The following ZNF674 variants were observed in gnomAD, a reference collection of about 807,000 sequenced individuals.
The protein encoded by ZNF674 is zinc finger protein 674.
ZNF674 carries 2 observed loss-of-function variants against 7.0 expected under a neutral mutation model. The ratio of observed to expected loss-of-function variants is 0.29; its 90% CI spans 0.12 to 0.90. The LOEUF (loss-of-function observed/expected upper bound fraction) is 0.90. ZNF674 is among the 40% of genes least tolerant of loss of function. The pLI, the probability that ZNF674 is intolerant of heterozygous loss-of-function variation, is 0.57. For synonymous variants in ZNF674, 103 were observed against 145.2 expected (o/e 0.71, Z 2.09); for missense variants, 297 against 415.5 (o/e 0.71, Z 2.48).
intron 4 of ZNF674, 105 bp from the exon 5 acceptor site, chrX:46,528,550 C>G: frequency 1.0e-6 from 1 of 989,164 alleles, no homozygotes; most frequent in South Asian, 2.0e-5. Flanking sequence ...GTGATGGCCC[C>G]ATGCACACAG....
chrX:46,528,755 T>G (rs746018785), intron 4 of ZNF674, 28 bp downstream of exon 4: 2 of 1,211,337 alleles, frequency 1.7e-6, no homozygotes, highest in Non-Finnish European at 2.2e-6. Context: ...GGAGGCATTC[T>G]GCATCACCCT....
At chrX:46,510,066 A>G (rs1941621630) in intron 5 of ZNF674, among the ~76,000 whole-genome samples, 1 of 101,029 alleles carries the variant, frequency 9.9e-6, no homozygotes, top group Admixed American at 1.1e-4. Flanking sequence ...GCATGTTCTC[A>G]CTCATAGGTG....
At chrX:46,543,900 A>G (rs1464418732) in intron 2 of ZNF674, among the ~76,000 whole-genome samples, 2 of 112,500 alleles carry the variant, frequency 1.8e-5, no homozygotes, top group Non-Finnish European at 3.8e-5. Context: ...AACTAAAAAT[A>G]TATTTTCTGC....
chrX:46,531,674 A>G (rs1235591085), intron 3 of ZNF674, among the ~76,000 whole-genome samples: 1 of 110,917 alleles, frequency 9.0e-6, no homozygotes. Context: ...TAAAACAGCC[A>G]TCATTCCACT....
chrX:46,510,178 T>C (rs1187023165), intron 5 of ZNF674, among the ~76,000 whole-genome samples: 1 of 103,565 alleles, frequency 9.7e-6, no homozygotes, highest in Non-Finnish European at 2.0e-5. Flanking sequence ...TTGGGAGATA[T>C]ACCTAATGCT....
At chrX:46,522,163 C>T (rs1306808603) in intron 5 of ZNF674, among the ~76,000 whole-genome samples, 6 of 104,274 alleles carry the variant, frequency 5.8e-5, no homozygotes, top group Admixed American at 4.2e-4. Flanking sequence ...AGAAGTGGCA[C>T]GGAGGGAGCA....
intron 5 of ZNF674, among the ~76,000 whole-genome samples, chrX:46,504,496 C>T (rs1037981437): frequency 9.1e-6 from 1 of 110,414 alleles, no homozygotes; most frequent in African/African-American, 3.3e-5. Context: ...GCACCTGCTA[C>T]CACGCCTGGC....
intron 5 of ZNF674, among the ~76,000 whole-genome samples, chrX:46,508,571 C>T (rs904813177): frequency 8.1e-5 from 9 of 110,831 alleles, no homozygotes; most frequent in Middle Eastern, 4.2e-3. Flanking sequence ...GCCATTTTCA[C>T]GATATTGATT....
At chrX:46,534,839 C>A (rs1402065942) in intron 3 of ZNF674, among the ~76,000 whole-genome samples, 5 of 108,502 alleles carry the variant, frequency 4.6e-5, no homozygotes, top group Non-Finnish European at 7.6e-5. Context: ...CTCCTGGGTT[C>A]GAGTGATTTT....
Position 46,515,664 on chromosome X carries a change from A to G in ZNF674, c.238+12686T>C, listed in dbSNP as rs1240246030. Among the ~76,000 whole-genome samples, 5 of 111,498 alleles carry G rather than the reference A, an allele frequency of 4.5e-5. No individual in the cohort carries two copies. In the Admixed American group the frequency reaches 4.8e-4, roughly 11 times the overall value. ...GGTCTTGCTCTATCACCCAGGCTAGAGTAGAACAATCATAGCTCACTGTAA... is the reference window on the plus strand; with the variant it reads ...GGTCTTGCTCTATCACCCAGGCTAGGGTAGAACAATCATAGCTCACTGTAA... On this transcript the variant is annotated intron_variant, in intron 5 of 5. Coordinates refer to ENST00000683375, the MANE Select transcript of ZNF674 (RefSeq NM_001190417.2).
chrX:46,516,382 G>C (rs188628859), intron 5 of ZNF674, among the ~76,000 whole-genome samples: 275 of 112,133 alleles, frequency 2.5e-3, no homozygotes, highest in Middle Eastern at 9.2e-3. Context: ...ACAGGTCCCA[G>C]TGACTTATGA....
At chrX:46,528,740 G>T in intron 4 of ZNF674, 43 bp downstream of exon 4, 2 of 1,209,684 alleles carry the variant, frequency 1.7e-6, no homozygotes, top group Non-Finnish European at 2.2e-6. Flanking sequence ...AAGAAACACA[G>T]TACTGGAGGC....
intron 5 of ZNF674, among the ~76,000 whole-genome samples, chrX:46,513,824 G>A (rs764136178): frequency 9.0e-6 from 1 of 111,636 alleles, no homozygotes; most frequent in South Asian, 3.8e-4. Context: ...CCAGCACTTT[G>A]GGAAGTGGAG....
chrX:46,536,493 G>A (rs1183388993), intron 3 of ZNF674, among the ~76,000 whole-genome samples: 1 of 109,087 alleles, frequency 9.2e-6, no homozygotes, highest in Non-Finnish European at 1.9e-5. Context: ...AGGAGGATGA[G>A]GCAGGAGAAT....
rs375452873 is a variant in ZNF674 at position 46,540,160 on chromosome X, C to A, written c.15+1913G>T. Reference sequence around the variant, plus strand: ...TCGGGAGGCTGAGGCAGGAGAATGGCGGGAACCCAGGAGGCGGAGCTCGCA... The same window carrying A: ...TCGGGAGGCTGAGGCAGGAGAATGGAGGGAACCCAGGAGGCGGAGCTCGCA... On this transcript the variant is annotated intron_variant, in intron 3 of 5. Coordinates refer to ENST00000683375, the MANE Select transcript of ZNF674 (RefSeq NM_001190417.2). Among the ~76,000 whole-genome samples the A allele has an allele frequency of 1.7e-3, 186 of 110,287 alleles. No individual in the cohort carries two copies. The Middle Eastern group carries it at 0.023, about 14-fold the overall frequency.
chrX:46,504,091 C>T lies in ZNF674; in HGVS notation c.239-2756G>A, dbSNP rs142445003. On this transcript the variant is annotated intron_variant, in intron 5 of 5. Coordinates refer to ENST00000683375, the MANE Select transcript of ZNF674 (RefSeq NM_001190417.2). ...ATGCACACATATACACACATACACA[C>T]ACATGCCTTACTACCTATTCCACTT... 7.7e-3 allele frequency among the ~76,000 whole-genome samples: 854 copies of T among 111,087 alleles called. 6 individuals carry two copies. The highest frequency in any genetic ancestry group is 0.027 in the African/African-American group (817 of 30,537).
intron 5 of ZNF674, among the ~76,000 whole-genome samples, chrX:46,505,537 G>A (rs182008704): frequency 4.1e-3 from 453 of 111,703 alleles, no homozygotes; most frequent in African/African-American, 0.014. Context: ...TTGGGGGGCC[G>A]AGGCGGATGT....
chrX:46,504,524 G>A (rs1744323343), intron 5 of ZNF674, among the ~76,000 whole-genome samples: 1 of 110,309 alleles, frequency 9.1e-6, no homozygotes, highest in South Asian at 3.8e-4. Context: ...TGTATTTTTA[G>A]TAGAGACGGG....
intron 5 of ZNF674, among the ~76,000 whole-genome samples, chrX:46,515,544 G>C (rs1380918375): frequency 1.8e-5 from 2 of 111,594 alleles, no homozygotes; most frequent in Non-Finnish European, 3.8e-5. Flanking sequence ...CTTGTTCTGT[G>C]ATCTTATTAT....
Sources: allele counts gnomAD v4.1 joint callset (sites outside exome capture counted in the v4.1 genomes callset), GRCh38; gene constraint gnomAD v4.1.1; transcripts MANE v1.5; gene names NCBI Gene and HGNC (gene_info 2026-07-23, HGNC 2026-07-21).